The following FOCAD variants were observed in gnomAD, a reference collection of about 807,000 sequenced individuals.
The protein encoded by FOCAD is focadhesin, also known as KIAA1797.
A neutral mutation model predicts 225.6 loss-of-function variants in FOCAD; 198 were observed. The observed-to-expected ratio is 0.88, with a 90% CI of 0.78 to 0.99. FOCAD has a LOEUF of 0.99. Among genes scored for constraint, FOCAD ranks in the 50% least tolerant of loss-of-function variants. FOCAD has a pLI of 0.00. For synonymous variants in FOCAD, 897 were observed against 755.0 expected, an observed-to-expected ratio of 1.19 and a Z score of -3.08; for missense variants, 2,713 against 2,123.6, an observed-to-expected ratio of 1.28 and a Z score of -5.46.
At chr9:20,766,268 A>C (rs1038184060) in intron 7 of FOCAD, among the ~76,000 whole-genome samples, 1 of 152,160 alleles carries the variant, frequency 6.6e-6, no homozygotes, top group African/African-American at 2.4e-5. Context: ...AAAAAAGGGG[A>C]TACATCATTT....
At chr9:20,906,807 T>C (rs2132018310) in intron 21 of FOCAD, among the ~76,000 whole-genome samples, 1 of 152,210 alleles carries the variant, frequency 6.6e-6, no homozygotes, top group South Asian at 2.1e-4. Context: ...TGTTAGACAA[T>C]GCCAAGTTTC....
At chr9:20,673,716 C>T (rs1003720312) in intron 2 of FOCAD, among the ~76,000 whole-genome samples, 2 of 152,138 alleles carry the variant, frequency 1.3e-5, no homozygotes, top group African/African-American at 4.8e-5. Context: ...AGTCCTCCCA[C>T]CTCAGCCTCC....
chr9:20,949,619 A>T lies in FOCAD; in HGVS notation c.3892A>T (p.Ile1298Phe). 6.2e-7 allele frequency: 1 copy of T among 1,613,238 alleles called. No individual in the cohort carries two copies. The highest frequency in any genetic ancestry group is 8.5e-7 in the Non-Finnish European group (1 of 1,179,390). ...GDVMQLKSEA[I>F]QTSHFQGRLN... is the part of the protein sequence containing the mutation. ...ATTCTTTCAGCTGAAATCAGAAGCC[A>T]TCCAGACCTCTCATTTTCAAGGCAG... is the stretch of plus-strand genomic sequence containing the variant. Residue 1298 changes from isoleucine to phenylalanine, a missense_variant, in exon 33 of 44, where the codon ATC becomes TTC. Transcript: ENST00000338382.
At chr9:20,931,436 A>G (rs534896055) in intron 27 of FOCAD, among the ~76,000 whole-genome samples, 2 of 152,310 alleles carry the variant, frequency 1.3e-5, no homozygotes, top group Admixed American at 1.3e-4. Context: ...GGAATTGAGG[A>G]ATCTCAAATA....
intron 28 of FOCAD, among the ~76,000 whole-genome samples, chr9:20,942,406 C>G (rs528242780): frequency 1.3e-5 from 2 of 152,254 alleles, no homozygotes; most frequent in African/African-American, 4.8e-5. Context: ...GAAAGTTAAA[C>G]CCTATTGGAA....
chr9:20,949,566 G>C (rs1402755273), intron 32 of FOCAD, 38 bp from the exon 33 acceptor site: 1 of 1,548,286 alleles, frequency 6.5e-7, no homozygotes, highest in Non-Finnish European at 8.9e-7. Flanking sequence ...CTTTTTTATG[G>C]GGGTGGGTGG....
chr9:20,882,317 G>T (rs1219459737), intron 20 of FOCAD, among the ~76,000 whole-genome samples: 1 of 149,810 alleles, frequency 6.7e-6, no homozygotes, highest in Non-Finnish European at 1.5e-5. Flanking sequence ...CAGCCCAGAG[G>T]CATGGCCTGT....
chr9:20,717,661 A>G, intron 2 of FOCAD, 133 bp from the exon 3 acceptor site: 1 of 654,796 alleles, frequency 1.5e-6, no homozygotes, highest in Non-Finnish European at 2.6e-6. Flanking sequence ...AATGCCTTCT[A>G]CATAGCACAC....
chr9:20,723,805 C>A (rs1331729973), intron 4 of FOCAD, among the ~76,000 whole-genome samples: 2 of 152,022 alleles, frequency 1.3e-5, no homozygotes, highest in African/African-American at 4.8e-5. Context: ...TAAAGAAATA[C>A]CTAAGGCTGG....
At chr9:20,744,989 C>A (rs1040371495) in intron 5 of FOCAD, among the ~76,000 whole-genome samples, 6 of 152,136 alleles carry the variant, frequency 3.9e-5, no homozygotes, top group Non-Finnish European at 7.4e-5. Flanking sequence ...TTTTTTTAAA[C>A]CACTATGTAG....
In FOCAD at chr9:20,929,363, C is replaced by G. The variant is rs942815667; in HGVS notation, c.3084C>G (p.Ser1028=). ...CTTTCTTTGGCATGTCCTAGAAGTC[C>G]TATTCTGGTGAAAACACAGCTAGTG... ...GQLLSWFYYK[S]YSGENTASAI... is the part of the protein sequence containing the mutation. Residue 1028 remains serine (S), a synonymous_variant, in exon 27 of 44, where the codon TCC becomes TCG. Transcript: ENST00000338382. 31 of 1,613,622 alleles carry G rather than the reference C, an allele frequency of 1.9e-5. No homozygotes were observed. The highest frequency in any genetic ancestry group is 2.6e-5 in the Non-Finnish European group (31 of 1,179,728).
upstream of FOCAD, among the ~76,000 whole-genome samples, chr9:20,679,631 T>G (rs1210080036): frequency 6.6e-6 from 1 of 152,196 alleles, no homozygotes; most frequent in African/African-American, 2.4e-5. Context: ...CTTCAAAATG[T>G]GTGCTTATCT....
chr9:20,838,483 A>G (rs978447829), intron 15 of FOCAD, among the ~76,000 whole-genome samples: 1 of 152,154 alleles, frequency 6.6e-6, no homozygotes, highest in African/African-American at 2.4e-5. Context: ...TAAACAATTT[A>G]CGAGGTCATA....
intron 25 of FOCAD, among the ~76,000 whole-genome samples, chr9:20,924,833 A>G (rs1263182272): frequency 6.6e-6 from 1 of 152,218 alleles, no homozygotes; most frequent in Non-Finnish European, 1.5e-5. Flanking sequence ...CTAATGAAAC[A>G]TCTAAGCAGA....
chr9:20,884,517 A>C (rs1263896127), intron 20 of FOCAD, among the ~76,000 whole-genome samples: 1 of 151,906 alleles, frequency 6.6e-6, no homozygotes, highest in Non-Finnish European at 1.5e-5. Flanking sequence ...GGCTGGTCTC[A>C]AACTCCTGAC....
chr9:20,901,159 C>G (rs1832518919), intron 21 of FOCAD, among the ~76,000 whole-genome samples: 1 of 148,454 alleles, frequency 6.7e-6, no homozygotes, highest in Non-Finnish European at 1.5e-5. Context: ...ATACCAGTTG[C>G]AAATGGTTTT....
At chr9:20,912,162 T>C (rs1367840124) in intron 22 of FOCAD, among the ~76,000 whole-genome samples, 1 of 151,310 alleles carries the variant, frequency 6.6e-6, no homozygotes, top group Non-Finnish European at 1.5e-5. Context: ...TTAGGGCCCA[T>C]CAACAAACAG....
intron 2 of FOCAD, among the ~76,000 whole-genome samples, chr9:20,659,784 T>C (rs537107612): frequency 1.3e-5 from 2 of 152,194 alleles, no homozygotes; most frequent in Non-Finnish European, 1.5e-5. Context: ...TGTGAAAGCA[T>C]TGGAAAGCAG....
At chr9:20,750,580 G>A (rs1281559216) in intron 5 of FOCAD, among the ~76,000 whole-genome samples, 1 of 152,126 alleles carries the variant, frequency 6.6e-6, no homozygotes, top group Non-Finnish European at 1.5e-5. Context: ...AATGAAGGGT[G>A]ACCTGACTGC....
Sources: allele counts gnomAD v4.1 joint callset (sites outside exome capture counted in the v4.1 genomes callset), GRCh38; gene constraint gnomAD v4.1.1; transcripts MANE v1.5; gene names NCBI Gene and HGNC (gene_info 2026-07-23, HGNC 2026-07-21).